Variants in CADM2 observed in about 807,000 individuals in gnomAD.
CADM2 encodes immunoglobulin superfamily member 4D.
CADM2 carries 12 observed loss-of-function variants against 49.8 expected under a neutral mutation model. That is an observed-to-expected ratio of 0.24 (90% confidence interval 0.15 to 0.39). The LOEUF (loss-of-function observed/expected upper bound fraction) is 0.39. CADM2 is among the 10% of genes least tolerant of loss of function. The pLI is 1.00. For synonymous variants in CADM2, 214 were observed against 175.4 expected (o/e 1.22, Z -1.74); for missense variants, 378 against 492.3 (o/e 0.77, Z 2.20).
chr3:85,367,625 A>T (rs2032880568), intron 1 of CADM2, among the ~76,000 whole-genome samples: 1 of 152,030 alleles, frequency 6.6e-6, no homozygotes, highest in Non-Finnish European at 1.5e-5. Context: ...TAGAAAAAGA[A>T]TTGACATAAT....
At chr3:85,471,817 TTTG>T (rs35376282) in intron 1 of CADM2, among the ~76,000 whole-genome samples, 25,560 of 151,308 alleles carry the variant, frequency 0.17, 2,652 homozygotes, top group Non-Finnish European at 0.23. Flanking sequence ...AGTCAATATT[TTTG>T]TTAAAATTCT....
chr3:84,961,967 G>C (rs551892913), intron 1 of CADM2, among the ~76,000 whole-genome samples: 1 of 152,170 alleles, frequency 6.6e-6, no homozygotes, highest in South Asian at 2.1e-4. Flanking sequence ...TCTACCCGGA[G>C]AGATTCCATC....
intron 1 of CADM2, among the ~76,000 whole-genome samples, chr3:85,525,262 T>G (rs2061136540): frequency 1.3e-5 from 2 of 152,318 alleles, no homozygotes; most frequent in South Asian, 4.1e-4. Context: ...CAGCATCCAA[T>G]TTCTTCTGTT....
At chr3:85,339,232 G>T (rs2045174730) in intron 1 of CADM2, among the ~76,000 whole-genome samples, 1 of 151,328 alleles carries the variant, frequency 6.6e-6, no homozygotes, top group Non-Finnish European at 1.5e-5. Flanking sequence ...ATTAATATTT[G>T]AATTTTTAAA....
chr3:85,405,926 TAAATA>T (rs1405225130), intron 1 of CADM2, among the ~76,000 whole-genome samples: 1 of 151,182 alleles, frequency 6.6e-6, no homozygotes, highest in African/African-American at 2.4e-5. Flanking sequence ...AAAAATAAAA[TAAATA>T]AAATAAAATA....
chr3:85,018,286 T>C (rs538311408), intron 1 of CADM2, among the ~76,000 whole-genome samples: 9 of 152,332 alleles, frequency 5.9e-5, no homozygotes, highest in Non-Finnish European at 1.0e-4. Flanking sequence ...CTCTAAGTCC[T>C]ATCTTTATCC....
intron 1 of CADM2, among the ~76,000 whole-genome samples, chr3:85,034,131 A>G (rs1449075941): frequency 6.6e-6 from 1 of 152,142 alleles, no homozygotes; most frequent in Non-Finnish European, 1.5e-5. Flanking sequence ...AAACAATCCA[A>G]TTATAGTCTT....
At chr3:86,012,105 A>G (rs1731587246) in intron 8 of CADM2, among the ~76,000 whole-genome samples, 1 of 152,066 alleles carries the variant, frequency 6.6e-6, no homozygotes, top group Non-Finnish European at 1.5e-5. Flanking sequence ...GGACATAGCA[A>G]CCAGCATTCT....
chr3:85,134,387 C>G (rs1032420421), intron 1 of CADM2, among the ~76,000 whole-genome samples: 4 of 152,322 alleles, frequency 2.6e-5, no homozygotes, highest in Non-Finnish European at 4.4e-5. Flanking sequence ...CGAGAGCGAG[C>G]GAGGGCCGTG....
intron 3 of CADM2, among the ~76,000 whole-genome samples, chr3:85,806,715 A>G (rs771445172): frequency 5.9e-5 from 9 of 152,084 alleles, no homozygotes; most frequent in Non-Finnish European, 1.0e-4. Context: ...AGCCTGGGTG[A>G]TAGAGTGAGG....
At chr3:85,681,869 A>G (rs937770824) in intron 1 of CADM2, among the ~76,000 whole-genome samples, 5 of 152,112 alleles carry the variant, frequency 3.3e-5, no homozygotes, top group African/African-American at 9.7e-5. Flanking sequence ...AAAACGTATC[A>G]ACTTATTATG....
intron 1 of CADM2, among the ~76,000 whole-genome samples, chr3:85,702,445 C>T (rs1297127359): frequency 2.0e-5 from 3 of 152,054 alleles, no homozygotes; most frequent in Non-Finnish European, 4.4e-5. Flanking sequence ...TGAAAAGGTT[C>T]AACATGAACC....
At chr3:85,545,390 T>C (rs1051832347) in intron 1 of CADM2, among the ~76,000 whole-genome samples, 8 of 152,200 alleles carry the variant, frequency 5.3e-5, no homozygotes, top group South Asian at 2.1e-4. Flanking sequence ...GAAAATGTAA[T>C]TCTGTTTGTT....
At chr3:85,075,721 T>C (rs916930277) in intron 1 of CADM2, among the ~76,000 whole-genome samples, 6 of 152,156 alleles carry the variant, frequency 3.9e-5, no homozygotes, top group African/African-American at 1.4e-4. Context: ...ATGTTGTAAG[T>C]GAATCTCACA....
intron 7 of CADM2, among the ~76,000 whole-genome samples, chr3:85,939,047 A>G (rs530388777): frequency 7.6e-4 from 116 of 152,160 alleles, no homozygotes; most frequent in African/African-American, 2.7e-3. Flanking sequence ...GTAAATCACA[A>G]CATCATGGCA....
At chr3:85,979,255 C>T in intron 8 of CADM2, 1 of 1,610,746 alleles carries the variant, frequency 6.2e-7, no homozygotes, top group East Asian at 2.2e-5. Flanking sequence ...CCAGCCCAAC[C>T]ACATCTGCAA....
intron 1 of CADM2, among the ~76,000 whole-genome samples, chr3:84,971,163 A>G (rs891364894): frequency 1.3e-5 from 2 of 152,126 alleles, no homozygotes; most frequent in Non-Finnish European, 2.9e-5. Flanking sequence ...TTTACCTGTT[A>G]CTTTACATGC....
intron 1 of CADM2, among the ~76,000 whole-genome samples, chr3:85,250,308 CA>C (rs987410643): frequency 6.6e-6 from 1 of 151,282 alleles, no homozygotes; most frequent in African/African-American, 2.4e-5. Context: ...TATCAAATTG[CA>C]AAAAAACTAT....
At chr3:85,111,448 A>G (rs1398848751) in intron 1 of CADM2, among the ~76,000 whole-genome samples, 1 of 151,892 alleles carries the variant, frequency 6.6e-6, no homozygotes, top group Non-Finnish European at 1.5e-5. Context: ...GCTTTTAAGT[A>G]TTTTGATGAA....
Sources: allele counts gnomAD v4.1 joint callset (sites outside exome capture counted in the v4.1 genomes callset), GRCh38; gene constraint gnomAD v4.1.1; transcripts MANE v1.5; gene names NCBI Gene and HGNC (gene_info 2026-07-23, HGNC 2026-07-21).